VEPH1: variants seen among roughly 807,000 people sequenced by gnomAD.
The protein encoded by VEPH1 is ventricular zone-expressed PH domain-containing protein homolog 1.
Under a neutral mutation model 85.2 loss-of-function variants are expected in VEPH1, and 80 were observed. The ratio of observed to expected loss-of-function variants is 0.94; its 90% CI spans 0.78 to 1.13. VEPH1 has a LOEUF of 1.13. Ranked by LOEUF, VEPH1 falls within the 50% of genes most tolerant of loss-of-function variation. The pLI is 0.00. For missense variants in VEPH1, 955 were observed against 980.5 expected, an observed-to-expected ratio of 0.97 and a Z score of 0.35; for synonymous variants, 297 against 348.0, an observed-to-expected ratio of 0.85 and a Z score of 1.63.
intron 6 of VEPH1, among the ~76,000 whole-genome samples, chr3:157,412,393 C>T (rs908974662): frequency 3.9e-5 from 6 of 152,120 alleles, no homozygotes; most frequent in Admixed American, 6.6e-5. Context: ...GTGTGCATTA[C>T]TATACATTAA....
At chr3:157,388,576 C>A (rs142206567) in intron 6 of VEPH1, among the ~76,000 whole-genome samples, 3 of 152,212 alleles carry the variant, frequency 2.0e-5, no homozygotes, top group African/African-American at 7.2e-5. Flanking sequence ...GTTCAATAGA[C>A]TCATATTGCA....
chr3:157,473,548 T>C (rs1420770010), intron 2 of VEPH1, among the ~76,000 whole-genome samples: 1 of 152,316 alleles, frequency 6.6e-6, no homozygotes, highest in East Asian at 1.9e-4. Context: ...TCTATGCTAT[T>C]TCACATAAAA....
intron 11 of VEPH1, among the ~76,000 whole-genome samples, chr3:157,303,204 A>G (rs1441126282): frequency 6.6e-6 from 1 of 151,988 alleles, no homozygotes; most frequent in African/African-American, 2.4e-5. Context: ...AATTGTTCTC[A>G]TTGCCAGGAA....
intron 5 of VEPH1, among the ~76,000 whole-genome samples, chr3:157,423,594 C>G (rs1287137747): frequency 6.6e-6 from 1 of 152,168 alleles, no homozygotes; most frequent in Admixed American, 6.5e-5. Context: ...GATGTCACAC[C>G]CTTTGTGGGA....
intron 6 of VEPH1, among the ~76,000 whole-genome samples, chr3:157,390,765 GC>G (rs1170966777): frequency 6.6e-6 from 1 of 152,202 alleles, no homozygotes; most frequent in Non-Finnish European, 1.5e-5. Flanking sequence ...AGCCCACCAA[GC>G]TGTGGGTGGT....
intron 6 of VEPH1, among the ~76,000 whole-genome samples, chr3:157,413,193 A>G (rs555001822): frequency 6.6e-6 from 1 of 152,278 alleles, no homozygotes; most frequent in Admixed American, 6.5e-5. Context: ...ATCATCAGAG[A>G]GACATGCATG....
intron 2 of VEPH1, among the ~76,000 whole-genome samples, chr3:157,484,402 A>T (rs1738429702): frequency 6.6e-6 from 1 of 152,156 alleles, no homozygotes; most frequent in East Asian, 1.9e-4. Flanking sequence ...TCCTGTCTCA[A>T]ATGATCCTCT....
intron 12 of VEPH1, among the ~76,000 whole-genome samples, chr3:157,275,242 G>A (rs1468621317): frequency 6.6e-6 from 1 of 152,056 alleles, no homozygotes; most frequent in African/African-American, 2.4e-5. Context: ...GATTGTTAAA[G>A]ATAAATGCCT....
rs71872669 is a variant in VEPH1 at position 157,304,019 on chromosome 3, T to TATATATATATATATATATATATATA, written c.2010+9601_2010+9602insTATATATATATATATATATATATAT. 3.0e-3 allele frequency among the ~76,000 whole-genome samples: 158 copies of TATATATATATATATATATATATATA among 52,132 alleles called. 4 individuals are homozygous for TATATATATATATATATATATATATA. Among genetic ancestry groups the TATATATATATATATATATATATATA allele is most frequent in the South Asian group, 0.015 (24 of 1,552 alleles). The allele number at this position is 52,132 out of a possible 152,430, so 34.2% of individuals were successfully genotyped here. ...GTAGACTTAAATTTCTCATCTTATA[T>TATATATATATATATATATATATATA]TTTTTATATATATATATATACACAC... On this transcript the variant is annotated intron_variant, in intron 11 of 13. Transcript: ENST00000362010.
At chr3:157,295,499 G>C (rs1051512907) in intron 11 of VEPH1, among the ~76,000 whole-genome samples, 2 of 152,054 alleles carry the variant, frequency 1.3e-5, no homozygotes, top group Non-Finnish European at 2.9e-5. Context: ...TAGTTACAGA[G>C]GAAATAAAAC....
At chr3:157,388,641 C>T (rs2108903275) in intron 6 of VEPH1, among the ~76,000 whole-genome samples, 1 of 152,078 alleles carries the variant, frequency 6.6e-6, no homozygotes, top group South Asian at 2.1e-4. Context: ...TACAGTTGGC[C>T]CTCCATATTG....
intron 4 of VEPH1, among the ~76,000 whole-genome samples, chr3:157,450,147 C>T (rs1734856150): frequency 1.3e-5 from 2 of 149,860 alleles, no homozygotes; most frequent in Admixed American, 1.3e-4. Flanking sequence ...CTTCAACCTC[C>T]TGGGCTCAAG....
At position 157,477,348 on chromosome 3, in the gene VEPH1, C is replaced by T. The variant is rs116590240; in HGVS notation, c.139-6819G>A. 3.9e-3 allele frequency among the ~76,000 whole-genome samples: 592 copies of T among 152,208 alleles called. 6 individuals carry two copies. Among genetic ancestry groups the T allele is most frequent in the Non-Finnish European group, 6.2e-3 (423 of 68,018 alleles). ...GACCTTGTTTCCCCACTTATAAGGA[C>T]CCTTGATTATATTGGGCCCACCCAC... On this transcript the variant is annotated intron_variant, in intron 2 of 13. Coordinates refer to ENST00000362010, the MANE Select transcript of VEPH1 (RefSeq NM_001167912.2).
In VEPH1 at chr3:157,286,469, A is replaced by G. The variant is rs1577241155; in HGVS notation, c.2128+88T>C. 5.9e-6 allele frequency: 6 copies of G among 1,024,812 alleles called. No homozygotes were observed. The East Asian group carries it at 1.2e-4, about 20-fold the overall frequency. The allele number at this position is 1,024,812 out of a possible 1,614,324, so 63.5% of individuals were successfully genotyped here. A position where few individuals can be genotyped will look rare whatever the true frequency, so the allele number is the denominator to read the frequency against. ...TATTACAACTGGGGATGTTTATGCA[A>G]GAGGAAGGCCACCTAGAAAAATGGA... is the stretch of plus-strand genomic sequence containing the variant. On this transcript the variant is annotated intron_variant, in intron 12 of 13. Coordinates refer to ENST00000362010, the MANE Select transcript of VEPH1 (RefSeq NM_001167912.2).
intron 3 of VEPH1, among the ~76,000 whole-genome samples, chr3:157,466,025 C>T (rs1219174241): frequency 6.6e-6 from 1 of 152,306 alleles, no homozygotes; most frequent in South Asian, 2.1e-4. Flanking sequence ...GGCTGCCAGG[C>T]TTCATGATGG....
intron 11 of VEPH1, among the ~76,000 whole-genome samples, chr3:157,288,644 C>T (rs544177850): frequency 2.0e-5 from 3 of 152,234 alleles, no homozygotes; most frequent in East Asian, 1.9e-4. Flanking sequence ...TTAAAGAGAA[C>T]ATTTACACTC....
At chr3:157,424,952 A>C (rs755530074) in intron 5 of VEPH1, among the ~76,000 whole-genome samples, 1 of 152,230 alleles carries the variant, frequency 6.6e-6, no homozygotes, top group African/African-American at 2.4e-5. Flanking sequence ...CAATGGGGAA[A>C]ATGTGTCCAG....
intron 2 of VEPH1, among the ~76,000 whole-genome samples, chr3:157,490,061 C>A (rs1739082092): frequency 1.3e-5 from 2 of 151,846 alleles, no homozygotes; most frequent in South Asian, 4.2e-4. Flanking sequence ...CATTTAAAAA[C>A]ATATAAATAA....
At chr3:157,481,451 CACACACACACACACAA>C (rs1738047924) in intron 2 of VEPH1, among the ~76,000 whole-genome samples, 1 of 66,932 alleles carries the variant, frequency 1.5e-5, no homozygotes, top group Non-Finnish European at 2.7e-5. Context: ...CACACACACA[CACACACACACACACAA>C]AAAAAAAAAA....
Sources: allele counts gnomAD v4.1 joint callset (sites outside exome capture counted in the v4.1 genomes callset), GRCh38; gene constraint gnomAD v4.1.1; transcripts MANE v1.5; gene names NCBI Gene and HGNC (gene_info 2026-07-23, HGNC 2026-07-21).